The following DIS3 variants were observed in gnomAD, a reference collection of about 807,000 sequenced individuals.
DIS3 encodes the protein exosome complex exonuclease RRP44.
DIS3 carries 103 observed loss-of-function variants against 113.0 expected under a neutral mutation model. The ratio of observed to expected loss-of-function variants is 0.91; its 90% CI spans 0.78 to 1.07. The LOEUF (loss-of-function observed/expected upper bound fraction) is 1.07, where lower values mean the gene tolerates loss of function less well. Among genes scored for constraint, DIS3 ranks in the 50% least tolerant of loss-of-function variants. DIS3 has a pLI of 0.00. For missense variants in DIS3, 1,121 were observed against 1,167.1 expected (o/e 0.96, Z 0.58); for synonymous variants, 402 against 394.3 (o/e 1.02, Z -0.23).
At chr13:72,765,653 C>T (rs953506963) in intron 15 of DIS3, among the ~76,000 whole-genome samples, 2 of 152,172 alleles carry the variant, frequency 1.3e-5, no homozygotes, top group African/African-American at 4.8e-5. Flanking sequence ...CCCTGCACTA[C>T]AGTATATTCT....
chr13:72,769,926 A>G (rs1254506340), intron 13 of DIS3, among the ~76,000 whole-genome samples: 1 of 152,226 alleles, frequency 6.6e-6, no homozygotes, highest in Admixed American at 6.5e-5. Flanking sequence ...GGGCAAAATA[A>G]GAGAGAACAT....
rs1015131569 is a variant in DIS3, at chr13:72,777,581, C to T, written c.581-88G>A. 67 of 1,104,138 alleles carry T rather than the reference C, an allele frequency of 6.1e-5. 2 individuals are homozygous for T. The South Asian group carries it at 7.0e-4, about 11-fold the overall frequency. 68.4% of individuals were successfully genotyped at this position (1,104,138 alleles called of 1,614,324 possible). ...ATAGTCTTGTTTGCGACAGTATACACGTCATTCTTTCATTCATTGAGACAC... is the reference window on the plus strand; with the variant it reads ...ATAGTCTTGTTTGCGACAGTATACATGTCATTCTTTCATTCATTGAGACAC... On this transcript the variant is annotated intron_variant, in intron 3 of 20. Coordinates refer to ENST00000377767, the MANE Select transcript of DIS3 (RefSeq NM_014953.5).
intron 15 of DIS3, among the ~76,000 whole-genome samples, chr13:72,765,407 ACCC>A (rs1427792860): frequency 6.6e-6 from 1 of 151,950 alleles, no homozygotes; most frequent in Non-Finnish European, 1.5e-5. Context: ...ATTCTATCCT[ACCC>A]CCATCTTTCT....
intron 8 of DIS3, 57 bp from the exon 9 acceptor site, chr13:72,772,896 C>A: frequency 1.3e-6 from 2 of 1,501,976 alleles, no homozygotes; most frequent in Non-Finnish European, 1.8e-6. Flanking sequence ...TACATCTTAT[C>A]ATATTAAATT....
intron 14 of DIS3, among the ~76,000 whole-genome samples, chr13:72,766,515 T>C (rs928409842): frequency 1.3e-5 from 2 of 152,088 alleles, no homozygotes; most frequent in Non-Finnish European, 2.9e-5. Flanking sequence ...AGATCCACAG[T>C]TCAAAAGTAT....
At chr13:72,767,907 A>G (rs1297737704) in intron 14 of DIS3, among the ~76,000 whole-genome samples, 1 of 152,168 alleles carries the variant, frequency 6.6e-6, no homozygotes, top group Non-Finnish European at 1.5e-5. Flanking sequence ...ATAGTCAACA[A>G]CGTCTTTTAA....
At chr13:72,764,382 T>C (rs1294814921) in intron 15 of DIS3, among the ~76,000 whole-genome samples, 1 of 152,166 alleles carries the variant, frequency 6.6e-6, no homozygotes, top group African/African-American at 2.4e-5. Context: ...ATATTTATAA[T>C]AGCTAATTTG....
intron 3 of DIS3, 111 bp from the exon 4 acceptor site, chr13:72,777,604 C>G (rs2034048057): frequency 1.1e-6 from 1 of 890,268 alleles, no homozygotes; most frequent in South Asian, 1.5e-5. Context: ...TTCATTGAGA[C>G]ACACTGAGAG....
chr13:72,755,861 G>A lies in DIS3; in HGVS notation c.*3934C>T, dbSNP rs2033450979. On this transcript the variant is annotated 3_prime_UTR_variant, in exon 21 of 21. Transcript: ENST00000377767. Reference sequence around the variant, plus strand: ...TTGTTATCTATGGGGCAAATGTGTGGTGCCCAGAATAAAATATACCTCATG... The same window carrying A: ...TTGTTATCTATGGGGCAAATGTGTGATGCCCAGAATAAAATATACCTCATG... 1 of 398,382 alleles carries A rather than the reference G, an allele frequency of 2.5e-6. No homozygotes were observed. The highest frequency in any genetic ancestry group is 4.4e-6 in the Non-Finnish European group (1 of 226,060). 24.7% of individuals were successfully genotyped at this position (398,382 alleles called of 1,614,324 possible). A position where few individuals can be genotyped will look rare whatever the true frequency, so the allele number is the denominator to read the frequency against.
chr13:72,762,378 A>C (rs2033648060), intron 16 of DIS3, among the ~76,000 whole-genome samples: 1 of 152,216 alleles, frequency 6.6e-6, no homozygotes, highest in Admixed American at 6.5e-5. Flanking sequence ...AGTCAAATAT[A>C]CATCTCTTCT....
intron 13 of DIS3, 115 bp from the exon 14 acceptor site, chr13:72,769,027 T>C: frequency 1.6e-6 from 1 of 608,192 alleles, no homozygotes; most frequent in Non-Finnish European, 2.7e-6. Context: ...CTAAAATCAG[T>C]AACAAAATAG....
At chr13:72,766,302 T>G (rs1057081466) in intron 14 of DIS3, among the ~76,000 whole-genome samples, 1 of 152,164 alleles carries the variant, frequency 6.6e-6, no homozygotes, top group Non-Finnish European at 1.5e-5. Context: ...CACAAGGAAA[T>G]CTGAATCCCT....
rs779082717 is a variant in DIS3 at position 72,778,144 on chromosome 13, G to T, written c.580+43C>A. 4 of 1,472,134 alleles carry T rather than the reference G, an allele frequency of 2.7e-6. No individual in the cohort carries two copies. In the East Asian group the frequency reaches 9.2e-5, roughly 34 times the overall value. The allele number at this position is 1,472,134 out of a possible 1,614,324, so 91.2% of individuals were successfully genotyped here. A position where few individuals can be genotyped will look rare whatever the true frequency, so the allele number is the denominator to read the frequency against. Reference sequence around the variant, plus strand: ...ATAGGCCTAATGATTATTTTTACACGCATTTGCAAACATGCACTAAGTACT... The same window carrying T: ...ATAGGCCTAATGATTATTTTTACACTCATTTGCAAACATGCACTAAGTACT... On this transcript the variant is annotated intron_variant, in intron 3 of 20. Coordinates refer to ENST00000377767, the MANE Select transcript of DIS3 (RefSeq NM_014953.5).
intron 16 of DIS3, among the ~76,000 whole-genome samples, chr13:72,762,472 G>A (rs951887823): frequency 2.6e-5 from 4 of 152,182 alleles, no homozygotes; most frequent in Non-Finnish European, 4.4e-5. Flanking sequence ...GTGAGAAGCT[G>A]ATTCAATTCC....
intron 12 of DIS3, 43 bp downstream of exon 12, chr13:72,771,038 G>A: frequency 6.2e-7 from 1 of 1,607,748 alleles, no homozygotes. Flanking sequence ...GGTTAAAGTA[G>A]TAAATACAAT....
intron 15 of DIS3, among the ~76,000 whole-genome samples, chr13:72,764,981 C>T (rs756237918): frequency 6.6e-6 from 1 of 152,072 alleles, no homozygotes; most frequent in Non-Finnish European, 1.5e-5. Flanking sequence ...TAATAGCACG[C>T]AAGCACATAT....
At chr13:72,768,993 A>G in intron 13 of DIS3, 81 bp from the exon 14 acceptor site, 2 of 871,040 alleles carry the variant, frequency 2.3e-6, no homozygotes, top group Non-Finnish European at 3.4e-6. Context: ...CTTTCACTAC[A>G]TAAAATCCAT....
chr13:72,761,322 G>A, intron 19 of DIS3, 41 bp downstream of exon 19: 1 of 1,561,500 alleles, frequency 6.4e-7, no homozygotes, highest in South Asian at 1.2e-5. Context: ...CAAAGAAAAA[G>A]TGCCCCCCGG....
Position 72,773,826 on chromosome 13 carries a change from C to A in DIS3, c.1102-5G>T, listed in dbSNP as rs2033943760. Reference sequence around the variant, plus strand: ...TGTAAAGAGATGTCTTCTTGACTAGCAAAAATTAGGAATAAAGATTTTACA... The same window carrying A: ...TGTAAAGAGATGTCTTCTTGACTAGAAAAAATTAGGAATAAAGATTTTACA... On this transcript the variant is annotated splice_region_variant and splice_polypyrimidine_tract_variant and intron_variant, in intron 7 of 20. Transcript: ENST00000377767. The A allele has an allele frequency of 6.2e-7, 1 of 1,600,670 alleles. No individual in the cohort carries two copies. Among genetic ancestry groups the A allele is most frequent in the Non-Finnish European group, 8.5e-7 (1 of 1,176,732 alleles).
Sources: allele counts gnomAD v4.1 joint callset (sites outside exome capture counted in the v4.1 genomes callset), GRCh38; gene constraint gnomAD v4.1.1; transcripts MANE v1.5; gene names NCBI Gene and HGNC (gene_info 2026-07-23, HGNC 2026-07-21).